Variants in CCDC171 observed in about 807,000 individuals in gnomAD.
The protein encoded by CCDC171 is coiled-coil domain containing 171, also known as coiled-coil domain-containing protein 171.
A neutral mutation model predicts 168.2 loss-of-function variants in CCDC171; 177 were observed. The ratio of observed to expected loss-of-function variants is 1.05; its 90% CI spans 0.93 to 1.19. CCDC171 has a LOEUF of 1.19. CCDC171 is among the 50% of genes most tolerant of loss of function. The pLI is 0.00. For missense variants in CCDC171, 1,991 were observed against 1,539.0 expected (o/e 1.29, Z -4.91); for synonymous variants, 687 against 540.8 (o/e 1.27, Z -3.75).
At chr9:15,830,646 G>A (rs1345576900) in intron 21 of CCDC171, among the ~76,000 whole-genome samples, 1 of 152,146 alleles carries the variant, frequency 6.6e-6, no homozygotes, top group Admixed American at 6.6e-5. Flanking sequence ...AAGGAGATAG[G>A]AAAACTCTTT....
intron 9 of CCDC171, among the ~76,000 whole-genome samples, chr9:15,677,562 A>C (rs1008435904): frequency 1.3e-5 from 2 of 152,024 alleles, no homozygotes; most frequent in Non-Finnish European, 2.9e-5. Context: ...AAGATCTCAG[A>C]TTTAAAACAG....
chr9:15,952,224 G>A (rs10756725), intron 25 of CCDC171, among the ~76,000 whole-genome samples: 47,380 of 151,924 alleles, frequency 0.31, 9,178 homozygotes, highest in East Asian at 0.62. Flanking sequence ...TCTCTATTCT[G>A]TTCTATTGGT....
intron 24 of CCDC171, among the ~76,000 whole-genome samples, chr9:15,911,620 C>T (rs1823652473): frequency 6.6e-6 from 1 of 152,120 alleles, no homozygotes; most frequent in Non-Finnish European, 1.5e-5. Flanking sequence ...AAGTCTTTGC[C>T]CATGCCTATG....
intron 24 of CCDC171, among the ~76,000 whole-genome samples, chr9:15,909,430 A>G (rs1823280917): frequency 6.6e-6 from 1 of 151,918 alleles, no homozygotes; most frequent in Non-Finnish European, 1.5e-5. Flanking sequence ...ACACGTGCAC[A>G]TAATTCCACT....
chr9:15,580,017 C>T (rs1042657379), intron 4 of CCDC171, among the ~76,000 whole-genome samples: 1 of 152,138 alleles, frequency 6.6e-6, no homozygotes, highest in Non-Finnish European at 1.5e-5. Context: ...GGTATAAAAA[C>T]AGGCATGGAG....
At chr9:15,879,010 T>C (rs1362004516) in intron 24 of CCDC171, among the ~76,000 whole-genome samples, 1 of 151,934 alleles carries the variant, frequency 6.6e-6, no homozygotes, top group Non-Finnish European at 1.5e-5. Context: ...AAAATAACTA[T>C]TGAGAACTAG....
chr9:15,609,099 A>T (rs912589709), intron 6 of CCDC171, among the ~76,000 whole-genome samples: 2 of 150,224 alleles, frequency 1.3e-5, no homozygotes, highest in African/African-American at 4.9e-5. Flanking sequence ...TGAACAGTTT[A>T]AAATTTTTTT....
chr9:15,784,598 T>A lies in CCDC171; in HGVS notation c.3171T>A (p.Asn1057Lys). The part of the protein sequence containing the change: ...LREEQAQMLL[N>K]EQAQQLQELN... The stretch of plus-strand genomic sequence containing the variant: ...AAGAGCAGGCACAAATGCTATTGAA[T>A]GAACAGGCACAACAACTACAGGAAT... Residue 1057 changes from asparagine (N) to lysine (K), a missense_variant, in exon 21 of 26, where the codon AAT (asparagine) becomes AAA (lysine). Asn to Lys is a moderately conservative substitution (Grantham distance 94). Transcript: ENST00000380701. 1 of 1,613,390 alleles carries A rather than the reference T, an allele frequency of 6.2e-7. No individual in the cohort carries two copies. Among genetic ancestry groups the A allele is most frequent in the South Asian group, 1.1e-5 (1 of 91,036 alleles).
At chr9:15,944,117 A>G (rs975448480) in intron 25 of CCDC171, among the ~76,000 whole-genome samples, 15 of 151,994 alleles carry the variant, frequency 9.9e-5, no homozygotes, top group Non-Finnish European at 5.9e-5. Flanking sequence ...CCATATACAT[A>G]CCCTTACAGG....
intron 11 of CCDC171, among the ~76,000 whole-genome samples, chr9:15,699,849 C>T (rs1029878223): frequency 4.6e-5 from 7 of 152,180 alleles, no homozygotes; most frequent in Non-Finnish European, 8.8e-5. Flanking sequence ...CTGAGCTAGA[C>T]ACAGGGTGCT....
At chr9:15,780,517 TA>T (rs945027687) in intron 20 of CCDC171, among the ~76,000 whole-genome samples, 5 of 150,432 alleles carry the variant, frequency 3.3e-5, no homozygotes, top group South Asian at 4.2e-4. Flanking sequence ...ACCGCATCTC[TA>T]AAAAAAAAAT....
intron 7 of CCDC171, among the ~76,000 whole-genome samples, chr9:15,640,291 G>A (rs990463233): frequency 1.3e-5 from 2 of 151,954 alleles, no homozygotes; most frequent in African/African-American, 4.8e-5. Context: ...TCTTTTACAT[G>A]GCAGTTCCCG....
intron 7 of CCDC171, among the ~76,000 whole-genome samples, chr9:15,628,870 C>G (rs1008393932): frequency 6.6e-6 from 1 of 152,210 alleles, no homozygotes; most frequent in African/African-American, 2.4e-5. Flanking sequence ...ATTAACGGTT[C>G]ACGAAAATCC....
chr9:15,927,792 C>T (rs1027471335), intron 25 of CCDC171, among the ~76,000 whole-genome samples: 3 of 151,604 alleles, frequency 2.0e-5, no homozygotes, highest in African/African-American at 7.3e-5. Context: ...TTTAGTTATA[C>T]TTTACGGATA....
At chr9:15,886,173 G>A (rs556551757) in intron 24 of CCDC171, 2 of 151,854 alleles carry the variant, frequency 1.3e-5, no homozygotes, top group African/African-American at 4.8e-5. Flanking sequence ...ATAAAACAAA[G>A]GAAACAACAA....
chr9:15,766,358 C>T (rs529569804), intron 18 of CCDC171, among the ~76,000 whole-genome samples: 1 of 152,074 alleles, frequency 6.6e-6, no homozygotes, highest in Non-Finnish European at 1.5e-5. Flanking sequence ...ATCCTCCTGC[C>T]TCAGCCTCCT....
chr9:15,958,863 C>A (rs1248226356), intron 25 of CCDC171, among the ~76,000 whole-genome samples: 1 of 151,960 alleles, frequency 6.6e-6, no homozygotes, highest in Admixed American at 6.6e-5. Context: ...ATTAGTATAC[C>A]GAAATCACAT....
chr9:15,710,100 T>A (rs2134008285), intron 11 of CCDC171, among the ~76,000 whole-genome samples: 1 of 152,288 alleles, frequency 6.6e-6, no homozygotes, highest in Non-Finnish European at 1.5e-5. Flanking sequence ...ACTTTGACTC[T>A]AAAAAATGAA....
At chr9:15,656,136 G>A (rs1433777529) in intron 7 of CCDC171, among the ~76,000 whole-genome samples, 1 of 152,036 alleles carries the variant, frequency 6.6e-6, no homozygotes, top group East Asian at 1.9e-4. Flanking sequence ...TGGCTAGCAC[G>A]GTGAAATCCC....
Sources: gnomAD v4.1 joint callset for allele counts (sites outside exome capture counted in the v4.1 genomes callset) on GRCh38, gnomAD v4.1.1 for gene constraint, MANE v1.5 for transcripts, NCBI Gene and HGNC (gene_info 2026-07-23, HGNC 2026-07-21) for gene names.